The following E2F7 variants were observed in gnomAD, a reference collection of about 807,000 sequenced individuals.
E2F7 encodes E2F transcription factor 7.
E2F7 carries 35 observed loss-of-function variants against 81.1 expected under a neutral mutation model. That is an observed-to-expected ratio of 0.43 (90% confidence interval 0.33 to 0.57). The LOEUF is 0.57. E2F7 is among the 20% of genes least tolerant of loss of function. E2F7 has a pLI of 0.04. For synonymous variants in E2F7, 416 were observed against 416.2 expected (o/e 1.00, Z 0.01); for missense variants, 961 against 1,093.7 (o/e 0.88, Z 1.71).
At chr12:77,033,782 C>T (rs1272760283) in intron 8 of E2F7, 75 bp downstream of exon 8, 12 of 1,397,352 alleles carry the variant, frequency 8.6e-6, no homozygotes, top group South Asian at 5.1e-5. Context: ...AACGCCAGCA[C>T]GTGGGTGCTG....
intron 7 of E2F7, among the ~76,000 whole-genome samples, chr12:77,040,005 T>C (rs1696460076): frequency 6.6e-6 from 1 of 152,184 alleles, no homozygotes; most frequent in Admixed American, 6.5e-5. Flanking sequence ...TTGATTCTCA[T>C]TATTCACAGT....
At chr12:77,043,979 C>T (rs987840238) in intron 6 of E2F7, among the ~76,000 whole-genome samples, 1 of 152,204 alleles carries the variant, frequency 6.6e-6, no homozygotes, top group Non-Finnish European at 1.5e-5. Context: ...AGGAAGCATT[C>T]ACCCTGGATG....
intron 2 of E2F7, among the ~76,000 whole-genome samples, chr12:77,064,306 T>C (rs1045504131): frequency 6.6e-5 from 10 of 152,244 alleles, no homozygotes; most frequent in Non-Finnish European, 1.2e-4. Flanking sequence ...TTGACTTATA[T>C]AAATTGGTTA....
chr12:77,037,217 C>T (rs990163615), intron 7 of E2F7, among the ~76,000 whole-genome samples: 3 of 152,010 alleles, frequency 2.0e-5, no homozygotes, highest in African/African-American at 7.2e-5. Context: ...CTTACATTTA[C>T]AAAAAAATGA....
At chr12:77,040,489 T>A (rs1239678303) in intron 7 of E2F7, among the ~76,000 whole-genome samples, 1 of 152,242 alleles carries the variant, frequency 6.6e-6, no homozygotes. Flanking sequence ...AAGCTGTGCA[T>A]GACCACAACT....
At chr12:77,040,789 G>C (rs1266811768) in intron 7 of E2F7, among the ~76,000 whole-genome samples, 2 of 152,168 alleles carry the variant, frequency 1.3e-5, no homozygotes, top group Non-Finnish European at 2.9e-5. Context: ...ACATACCTAT[G>C]AAAAACTTAT....
chr12:77,036,843 G>A (rs1054670732), intron 7 of E2F7, among the ~76,000 whole-genome samples: 1 of 151,798 alleles, frequency 6.6e-6, no homozygotes, highest in Non-Finnish European at 1.5e-5. Context: ...CCGGGTTCAT[G>A]CCATTCTCCT....
intron 7 of E2F7, among the ~76,000 whole-genome samples, chr12:77,035,979 A>AGAGAACT (rs372957409): frequency 6.6e-6 from 1 of 151,348 alleles, no homozygotes; most frequent in African/African-American, 2.4e-5. Context: ...AATAAAGAAT[A>AGAGAACT]TGAATAAATG....
At chr12:77,057,370 C>T (rs4761458) in intron 2 of E2F7, among the ~76,000 whole-genome samples, 18,961 of 152,164 alleles carry the variant, frequency 0.12, 2,048 homozygotes, top group East Asian at 0.54. Context: ...GACACCAGGC[C>T]TGGCCTTTTT....
chr12:77,050,955 G>A (rs914279900), intron 3 of E2F7, among the ~76,000 whole-genome samples: 2 of 152,078 alleles, frequency 1.3e-5, no homozygotes, highest in Non-Finnish European at 2.9e-5. Flanking sequence ...ATTTGAGGCT[G>A]AGTCTATTAG....
chr12:77,029,754 A>G (rs1015704953), intron 10 of E2F7, 77 bp downstream of exon 10: 4 of 1,562,568 alleles, frequency 2.6e-6, no homozygotes, highest in Non-Finnish European at 3.5e-6. Flanking sequence ...TTGCTTATTA[A>G]TATCAGTGTA....
intron 9 of E2F7, among the ~76,000 whole-genome samples, chr12:77,032,010 T>C (rs893532793): frequency 1.3e-5 from 2 of 152,220 alleles, no homozygotes; most frequent in African/African-American, 2.4e-5. Flanking sequence ...TTCTTTCTGA[T>C]GCCTGTCTCC....
Position 77,030,193 on chromosome 12 carries a change from C to T in E2F7, c.1522G>A (p.Asp508Asn). ...TTCTGCATGGAGAATGCCTGCAGGT[C>T]CGTCTGAGCAACAGAAAATACTGGG... is the stretch of plus-strand genomic sequence containing the variant. The part of the protein sequence containing the change: ...AHPVFSVAQT[D>N]LQAFSMQNGL... Residue 508 changes from aspartate (D) to asparagine (N), a missense_variant, in exon 10 of 13, where the codon GAC becomes AAC. By Grantham distance (23) the Asp-to-Asn change is conservative. Around this residue, in one of 3 missense-constraint regions of E2F7, gnomAD observed 587 missense variants for 620.3 expected, o/e 0.95. Coordinates refer to ENST00000322886, the MANE Select transcript of E2F7 (RefSeq NM_203394.3). 6.2e-7 allele frequency: 1 copy of T among 1,614,128 alleles called. No individual in the cohort carries two copies.
chr12:77,059,452 A>C (rs1286403624), intron 2 of E2F7, among the ~76,000 whole-genome samples: 1 of 152,210 alleles, frequency 6.6e-6, no homozygotes, highest in African/African-American at 2.4e-5. Context: ...CGTAGGTATA[A>C]AATGAGGAAT....
intron 11 of E2F7, 80 bp downstream of exon 11, chr12:77,027,803 G>T: frequency 6.4e-7 from 1 of 1,557,120 alleles, no homozygotes; most frequent in Non-Finnish European, 8.7e-7. Flanking sequence ...TTTGGGTCAG[G>T]TGACACAGAC....
intron 1 of E2F7, 50 bp downstream of exon 1, chr12:77,065,295 C>G (rs557988656): frequency 2.2e-4 from 34 of 152,448 alleles, no homozygotes; most frequent in African/African-American, 7.7e-4. Context: ...GGGAGTGGGC[C>G]CTGTATCCCA....
At chr12:77,059,831 C>T (rs770514869) in intron 2 of E2F7, among the ~76,000 whole-genome samples, 23 of 151,896 alleles carry the variant, frequency 1.5e-4, no homozygotes, top group Non-Finnish European at 1.5e-4. Context: ...GGCGTGGTGG[C>T]GGGCGCCTGT....
chr12:77,036,852 C>T (rs1954854025), intron 7 of E2F7, among the ~76,000 whole-genome samples: 1 of 152,078 alleles, frequency 6.6e-6, no homozygotes, highest in Non-Finnish European at 1.5e-5. Flanking sequence ...TGCCATTCTC[C>T]TGCCTCAGCC....
chr12:77,048,256 G>A (rs1169488397), intron 4 of E2F7, among the ~76,000 whole-genome samples: 1 of 152,150 alleles, frequency 6.6e-6, no homozygotes, highest in Non-Finnish European at 1.5e-5. Context: ...AGGTTACTCT[G>A]GGGGCTTGCT....
Sources: gnomAD v4.1 joint callset for allele counts (sites outside exome capture counted in the v4.1 genomes callset) on GRCh38, gnomAD v4.1.1 for gene constraint, gnomAD v4.1.1 regional missense constraint, MANE v1.5 for transcripts, NCBI Gene and HGNC (gene_info 2026-07-23, HGNC 2026-07-21) for gene names.